BMP7: variants seen among roughly 807,000 people sequenced by gnomAD.
The protein encoded by BMP7 is osteogenic protein 1.
In BMP7, 12 loss-of-function variants were observed where a neutral mutation model predicts 41.2. The observed-to-expected ratio is 0.29, with a 90% CI of 0.19 to 0.47. The LOEUF (loss-of-function observed/expected upper bound fraction) is 0.47, where lower values mean the gene tolerates loss of function less well. BMP7 is among the 20% of genes least tolerant of loss of function. The pLI is 0.99. For synonymous variants in BMP7, 248 were observed against 250.0 expected (o/e 0.99, Z 0.07); for missense variants, 467 against 606.0 (o/e 0.77, Z 2.41).
At chr20:57,250,826 G>A (rs2123142078) in intron 1 of BMP7, among the ~76,000 whole-genome samples, 1 of 152,288 alleles carries the variant, frequency 6.6e-6, no homozygotes. Flanking sequence ...ATCAGCAGGA[G>A]GCAATTTTCT....
chr20:57,237,508 T>C (rs2066052411), intron 1 of BMP7, among the ~76,000 whole-genome samples: 1 of 152,230 alleles, frequency 6.6e-6, no homozygotes, highest in Admixed American at 6.5e-5. Flanking sequence ...ATGATGGCTC[T>C]TCATTCATTC....
At chr20:57,221,829 A>T in intron 2 of BMP7, among the ~76,000 whole-genome samples, 1 of 108,170 alleles carries the variant, frequency 9.2e-6, no homozygotes, top group South Asian at 3.0e-4. Context: ...AAAAAAAAAA[A>T]AAAAAGAGGG....
intron 3 of BMP7, among the ~76,000 whole-genome samples, chr20:57,190,582 G>A (rs919258012): frequency 8.5e-5 from 13 of 152,052 alleles, no homozygotes; most frequent in East Asian, 1.9e-4. Context: ...AGGGGGCGAC[G>A]TGGCCAGGGT....
intron 2 of BMP7, chr20:57,225,749 T>C: frequency 3.2e-6 from 1 of 315,958 alleles, no homozygotes; most frequent in Admixed American, 3.6e-5. Flanking sequence ...AATGGAGGCT[T>C]TGCTGCAGGA....
chr20:57,190,257 A>G (rs150395748), intron 3 of BMP7, among the ~76,000 whole-genome samples: 23 of 113,088 alleles, frequency 2.0e-4, no homozygotes, highest in African/African-American at 3.3e-4. Flanking sequence ...GAACCAGAGG[A>G]GGTGAGGCTG....
Position 57,170,985 on chromosome 20 carries a change from C to T in BMP7, c.1270G>A (p.Val424Met). ...NVILKKYRNMVVRACGCH is the reference protein window; with the variant it reads ...NVILKKYRNMMVRACGCH ...TAGTGGCAGCCACAGGCCCGGACCA[C>T]CATGTTTCTGTATTTCTTCAGGATG... The change falls in exon 7 of 7, where the codon GTG (valine) becomes ATG (methionine). Residue 424 changes from valine to methionine, a missense_variant. This residue lies in a region of BMP7 where 60 missense variants were observed against 120.1 expected (regional missense o/e 0.50). Coordinates refer to ENST00000395863, the MANE Select transcript of BMP7 (RefSeq NM_001719.3). 1 of 1,613,994 alleles carries T rather than the reference C, an allele frequency of 6.2e-7. No individual in the cohort carries two copies. Among genetic ancestry groups the T allele is most frequent in the Non-Finnish European group, 8.5e-7 (1 of 1,179,988 alleles).
At chr20:57,186,048 A>C (rs1451760641) in intron 3 of BMP7, among the ~76,000 whole-genome samples, 1 of 152,216 alleles carries the variant, frequency 6.6e-6, no homozygotes, top group Non-Finnish European at 1.5e-5. Context: ...GCATACCCTA[A>C]GTGCTCAATA....
At position 57,183,921 on chromosome 20, in the gene BMP7, T is replaced by C; in HGVS notation, c.761-2A>G. 1 of 1,613,306 alleles carries C rather than the reference T, an allele frequency of 6.2e-7. No individual in the cohort carries two copies. The highest frequency in any genetic ancestry group is 8.5e-7 in the Non-Finnish European group (1 of 1,180,002). On this transcript the variant is annotated splice_acceptor_variant, in intron 3 of 6. Coordinates refer to ENST00000395863, the MANE Select transcript of BMP7 (RefSeq NM_001719.3). LOFTEE classifies it high-confidence loss of function. ...CCAACTTGGGGTTGATGCTCTGCCC[T>C]GGACAGGAAGCAGCCAAGTGCACAG...
At chr20:57,234,199 G>A (rs927629773) in intron 1 of BMP7, among the ~76,000 whole-genome samples, 3 of 152,198 alleles carry the variant, frequency 2.0e-5, no homozygotes, top group Non-Finnish European at 4.4e-5. Flanking sequence ...CTTCTCCCCA[G>A]TTGAGGGATG....
chr20:57,212,930 A>T (rs189278809), intron 2 of BMP7, among the ~76,000 whole-genome samples: 26 of 152,354 alleles, frequency 1.7e-4, no homozygotes, highest in Admixed American at 3.9e-4. Flanking sequence ...CTGCCAAATC[A>T]TAGAACAGTC....
intron 2 of BMP7, among the ~76,000 whole-genome samples, chr20:57,210,973 A>G (rs1984865167): frequency 6.6e-6 from 1 of 152,224 alleles, no homozygotes; most frequent in South Asian, 2.1e-4. Context: ...TGTTCTCGCC[A>G]TCACAGCCTG....
In BMP7 at chr20:57,266,135, A is replaced by G; in HGVS notation, c.-13T>C. The G allele has an allele frequency of 6.6e-7, 1 of 1,523,232 alleles. No individual in the cohort carries two copies. The highest frequency in any genetic ancestry group is 1.2e-5 in the South Asian group (1 of 82,774). 94.4% of individuals were successfully genotyped at this position (1,523,232 alleles called of 1,614,324 possible). A position where few individuals can be genotyped will look rare whatever the true frequency, so the allele number is the denominator to read the frequency against. On this transcript the variant is annotated 5_prime_UTR_variant, in exon 1 of 7. Coordinates refer to ENST00000395863, the MANE Select transcript of BMP7 (RefSeq NM_001719.3). ...AGCGCACGTGCATCGCGCCGGCTCT[A>G]CGCGCTACCCGGGCTCCGGGCTCCG...
At position 57,202,620 on chromosome 20, in the gene BMP7, T is replaced by G; in HGVS notation, c.615A>C (p.Glu205Asp). ...YQVLQEHLGR[E>D]SDLFLLDSRT... ...GGCTGTCGAGCAGGAAGAGATCCGATTCCCTGCGAGAGAGGAGGAGAGACA... is the reference window on the plus strand; with the variant it reads ...GGCTGTCGAGCAGGAAGAGATCCGAGTCCCTGCGAGAGAGGAGGAGAGACA... Residue 205 changes from glutamate to aspartate, a missense_variant, in exon 3 of 7, where the codon GAA (glutamate) becomes GAC (aspartate). Around this residue, in one of 2 missense-constraint regions of BMP7, gnomAD observed 407 missense variants for 485.9 expected, o/e 0.84. Coordinates refer to ENST00000395863, the MANE Select transcript of BMP7 (RefSeq NM_001719.3). The G allele has an allele frequency of 6.2e-7, 1 of 1,610,926 alleles. No individual in the cohort carries two copies. Among genetic ancestry groups the G allele is most frequent in the Non-Finnish European group, 8.5e-7 (1 of 1,179,924 alleles).
chr20:57,250,127 C>T (rs1376541776), intron 1 of BMP7, among the ~76,000 whole-genome samples: 1 of 151,876 alleles, frequency 6.6e-6, no homozygotes, highest in Non-Finnish European at 1.5e-5. Flanking sequence ...ATGGGCTGGT[C>T]CTCACTTAAA....
At chr20:57,202,222 A>G (rs932106096) in intron 3 of BMP7, among the ~76,000 whole-genome samples, 4 of 152,052 alleles carry the variant, frequency 2.6e-5, no homozygotes, top group Non-Finnish European at 5.9e-5. Flanking sequence ...GGCTGCCCTC[A>G]CCCCTGCTGA....
chr20:57,218,765 G>A (rs1343771618), intron 2 of BMP7, among the ~76,000 whole-genome samples: 1 of 149,476 alleles, frequency 6.7e-6, no homozygotes, highest in African/African-American at 2.5e-5. Context: ...GGTGGTAGCT[G>A]GTGTTTGTTT....
chr20:57,189,581 G>A (rs1483295667), intron 3 of BMP7, among the ~76,000 whole-genome samples: 1 of 152,156 alleles, frequency 6.6e-6, no homozygotes, highest in African/African-American at 2.4e-5. Context: ...ATATCACTCT[G>A]CCCTTTACGT....
chr20:57,221,925 C>T (rs1012864970), intron 2 of BMP7, among the ~76,000 whole-genome samples: 1 of 152,072 alleles, frequency 6.6e-6, no homozygotes, highest in Non-Finnish European at 1.5e-5. Context: ...CTTTTGTCAT[C>T]ATGACTGTTC....
intron 2 of BMP7, among the ~76,000 whole-genome samples, chr20:57,226,157 G>T (rs1206360837): frequency 6.6e-6 from 1 of 152,248 alleles, no homozygotes; most frequent in Non-Finnish European, 1.5e-5. Flanking sequence ...TCCACCCCAT[G>T]GATCTCAGGC....
Sources: gnomAD v4.1 joint callset for allele counts (sites outside exome capture counted in the v4.1 genomes callset) on GRCh38, gnomAD v4.1.1 for gene constraint, gnomAD v4.1.1 regional missense constraint, MANE v1.5 for transcripts, NCBI Gene and HGNC (gene_info 2026-07-23, HGNC 2026-07-21) for gene names.